Variants in TINAG observed in about 807,000 individuals in gnomAD.
The protein encoded by TINAG is tubulointerstitial nephritis antigen.
TINAG carries 83 observed loss-of-function variants against 72.7 expected under a neutral mutation model. That is an observed-to-expected ratio of 1.14 (90% CI 0.96 to 1.37). The LOEUF (loss-of-function observed/expected upper bound fraction) is 1.37, where lower values mean the gene tolerates loss of function less well. Ranked by LOEUF, TINAG falls within the 40% of genes most tolerant of loss-of-function variation. TINAG has a pLI of 0.00. For missense variants in TINAG, 685 were observed against 576.6 expected, an observed-to-expected ratio of 1.19 and a Z score of -1.93; for synonymous variants, 234 against 189.9, an observed-to-expected ratio of 1.23 and a Z score of -1.91.
chr6:54,338,266 T>C (rs1784913439), intron 4 of TINAG, among the ~76,000 whole-genome samples: 1 of 152,198 alleles, frequency 6.6e-6, no homozygotes, highest in Non-Finnish European at 1.5e-5. Flanking sequence ...GGACAAATCT[T>C]CAAAAATAAA....
chr6:54,317,154 T>A (rs964118150), intron 1 of TINAG, among the ~76,000 whole-genome samples: 1 of 152,138 alleles, frequency 6.6e-6, no homozygotes, highest in African/African-American at 2.4e-5. Context: ...CTGCTTACCT[T>A]GAATTGACTC....
At chr6:54,326,775 T>C (rs1380163649) in intron 3 of TINAG, 27 bp from the exon 4 acceptor site, 2 of 1,527,178 alleles carry the variant, frequency 1.3e-6, no homozygotes, top group South Asian at 2.4e-5. Context: ...TATATTTTTC[T>C]ATATTTTTCT....
chr6:54,354,720 T>A, intron 9 of TINAG, 84 bp downstream of exon 9: 2 of 1,392,848 alleles, frequency 1.4e-6, no homozygotes, highest in Non-Finnish European at 1.9e-6. Flanking sequence ...AATGCTAGAA[T>A]CCCCTTTGTA....
Position 54,308,844 on chromosome 6 carries a change from C to T in TINAG, c.294C>T (p.Tyr98=). ...AAAATTCTGATTGCTGTCCTGACTA[C>T]AAGTCCTTTTGCCGTGAAGAGAAAG... is the stretch of plus-strand genomic sequence containing the variant. ...DRENSDCCPD[Y]KSFCREEKEW... Residue 98 remains tyrosine (Y), a synonymous_variant, in exon 1 of 11, where the codon TAC becomes TAT. Coordinates refer to ENST00000259782, the MANE Select transcript of TINAG (RefSeq NM_014464.4). 1.2e-6 allele frequency: 2 copies of T among 1,613,720 alleles called. No homozygotes were observed. The highest frequency in any genetic ancestry group is 1.7e-6 in the Non-Finnish European group (2 of 1,179,840).
rs117876916 is a variant in TINAG, at chr6:54,318,842, C to G, written c.356-1737C>G. Among the ~76,000 whole-genome samples, 79 of 152,006 alleles carry G rather than the reference C, an allele frequency of 5.2e-4. 1 individual carries two copies. In the East Asian group the frequency reaches 0.014, roughly 28 times the overall value. ...CTGTGTCAACACCTTGACCGGGGTC[C>G]GAAGTAACTGATTATGGCTTTTGCT... On this transcript the variant is annotated intron_variant, in intron 1 of 10. Coordinates refer to ENST00000259782, the MANE Select transcript of TINAG (RefSeq NM_014464.4).
At chr6:54,371,542 T>C (rs1763608028) in intron 9 of TINAG, among the ~76,000 whole-genome samples, 2 of 151,654 alleles carry the variant, frequency 1.3e-5, no homozygotes, top group Admixed American at 6.6e-5. Context: ...TAATGTGATA[T>C]AATTTTACAT....
At chr6:54,371,981 G>GTTTTTTTTTTTTTTTTT (rs576340253) in intron 9 of TINAG, among the ~76,000 whole-genome samples, 3 of 71,420 alleles carry the variant, frequency 4.2e-5, no homozygotes, top group African/African-American at 1.5e-4. Flanking sequence ...TTCAAGTCAT[G>GTTTTTTTTTTTTTTTTT]TTTTTTTTTT....
intron 9 of TINAG, among the ~76,000 whole-genome samples, chr6:54,367,943 T>C (rs940613928): frequency 2.0e-5 from 3 of 151,800 alleles, no homozygotes; most frequent in Middle Eastern, 3.4e-3. Flanking sequence ...ATGGTGTCCT[T>C]TATAGGGGCT....
At position 54,366,276 on chromosome 6, in the gene TINAG, G is replaced by C. The variant is rs180976300; in HGVS notation, c.1250+11640G>C. Reference sequence around the variant, plus strand: ...TGTATGTGTGTGTGTGTGTGTGTGTGTGAAAAGGAAAGATACAGTGTCAAG... The same window carrying C: ...TGTATGTGTGTGTGTGTGTGTGTGTCTGAAAAGGAAAGATACAGTGTCAAG... On this transcript the variant is annotated intron_variant, in intron 9 of 10. Coordinates refer to ENST00000259782, the MANE Select transcript of TINAG (RefSeq NM_014464.4). Among the ~76,000 whole-genome samples, 639 of 151,592 alleles carry C rather than the reference G, an allele frequency of 4.2e-3. 1 individual carries two copies. Among genetic ancestry groups the C allele is most frequent in the African/African-American group, 0.015 (617 of 41,412 alleles).
At chr6:54,323,995 T>G (rs1257078601) in intron 3 of TINAG, among the ~76,000 whole-genome samples, 1 of 152,120 alleles carries the variant, frequency 6.6e-6, no homozygotes, top group African/African-American at 2.4e-5. Flanking sequence ...TTAAGGGAAT[T>G]TACCATCTAG....
chr6:54,347,842 G>T (rs1341899993), intron 6 of TINAG, among the ~76,000 whole-genome samples: 1 of 152,050 alleles, frequency 6.6e-6, no homozygotes, highest in Non-Finnish European at 1.5e-5. Flanking sequence ...AATCAGGGTT[G>T]CTGATCTCTC....
chr6:54,321,302 G>T lies in TINAG; in HGVS notation c.425G>T (p.Cys142Phe). The T allele has an allele frequency of 6.2e-7, 1 of 1,613,490 alleles. No individual in the cohort carries two copies. The highest frequency in any genetic ancestry group is 8.5e-7 in the Non-Finnish European group (1 of 1,179,666). The change falls in exon 3 of 11, where the codon TGC becomes TTC. Residue 142 changes from cysteine (C) to phenylalanine (F), a missense_variant. By Grantham distance (205) the Cys-to-Phe change is radical. Transcript: ENST00000259782. ...VIKENCNSCT[C>F]SGQQWKCSQH... ...TAATTGTCATATCTTTGCAGCACAT[G>T]CTCAGGACAGCAATGGAAATGTTCC...
At chr6:54,327,262 C>A in intron 4 of TINAG, 2 of 1,364,670 alleles carry the variant, frequency 1.5e-6, no homozygotes, top group South Asian at 1.3e-5. Context: ...CGGTTCATCT[C>A]ATTGGGACTG....
chr6:54,332,416 T>C (rs909248422), intron 4 of TINAG, among the ~76,000 whole-genome samples: 4 of 152,298 alleles, frequency 2.6e-5, no homozygotes, highest in South Asian at 2.1e-4. Context: ...GCTAGCCATA[T>C]GCAGAAAACT....
chr6:54,321,398 CT>C lies in TINAG; in HGVS notation c.509+14del, dbSNP rs1562149229. 1.2e-5 allele frequency: 19 copies of C among 1,590,232 alleles called. No homozygotes were observed. Among genetic ancestry groups the C allele is most frequent in the East Asian group, 2.2e-5 (1 of 44,684 alleles). On this transcript the variant is annotated intron_variant, in intron 3 of 10. Coordinates refer to ENST00000259782, the MANE Select transcript of TINAG (RefSeq NM_014464.4). ...AAAGGAGACTATGGGTGAGAGAAAT[CT>C]TGCTTTGTATGTTTCTTGACACTGC...
At chr6:54,311,660 C>T (rs942425569) in intron 1 of TINAG, among the ~76,000 whole-genome samples, 1 of 152,138 alleles carries the variant, frequency 6.6e-6, no homozygotes, top group African/African-American at 2.4e-5. Flanking sequence ...TAATGATTGG[C>T]TTTCTTCTTC....
rs182708312 is a variant in TINAG, at chr6:54,316,595, C to A, written c.356-3984C>A. On this transcript the variant is annotated intron_variant, in intron 1 of 10. Coordinates refer to ENST00000259782, the MANE Select transcript of TINAG (RefSeq NM_014464.4). ...TGCCTTTACTTTAGTGAAGTTTAGA[C>A]CAGCACAGATATTTATAATACACTG... Among the ~76,000 whole-genome samples, 406 of 152,190 alleles carry A rather than the reference C, an allele frequency of 2.7e-3. 1 individual carries two copies. The highest frequency in any genetic ancestry group is 0.017 in the Middle Eastern group (5 of 294).
At chr6:54,308,318 T>TTA (rs1246751902), upstream of TINAG, 17 of 649,008 alleles carry the variant, frequency 2.6e-5, no homozygotes, top group Non-Finnish European at 4.4e-5. Flanking sequence ...TATAAGTTTT[T>TTA]TAACTTTGGG....
intron 4 of TINAG, among the ~76,000 whole-genome samples, chr6:54,331,530 T>C (rs1784741851): frequency 6.6e-6 from 1 of 152,168 alleles, no homozygotes; most frequent in Non-Finnish European, 1.5e-5. Flanking sequence ...TGGAAGCTTT[T>C]CCCTTCGAAA....
Sources: gnomAD v4.1 joint callset for allele counts (sites outside exome capture counted in the v4.1 genomes callset) on GRCh38, gnomAD v4.1.1 for gene constraint, MANE v1.5 for transcripts, NCBI Gene and HGNC (gene_info 2026-07-23, HGNC 2026-07-21) for gene names.